Variants in FGF13 observed in about 807,000 individuals in gnomAD.
The protein encoded by FGF13 is fibroblast growth factor 13.
Under a neutral mutation model 19.5 loss-of-function variants are expected in FGF13, and 2 were observed. The observed-to-expected ratio is 0.10, with a 90% CI of 0.04 to 0.32. The LOEUF is 0.32. FGF13 is among the 10% of genes least tolerant of loss of function. The pLI, the probability that FGF13 is intolerant of heterozygous loss-of-function variation, is 1.00. For synonymous variants in FGF13, 72 were observed against 76.9 expected (o/e 0.94, Z 0.33); for missense variants, 113 against 192.7 (o/e 0.59, Z 2.45).
chrX:138,755,998 A>T (rs1382396806), intron 3 of FGF13, among the ~76,000 whole-genome samples: 1 of 111,882 alleles, frequency 8.9e-6, no homozygotes, highest in Non-Finnish European at 1.9e-5. Context: ...AGGACATACA[A>T]AGAGACACCA....
At chrX:139,139,024 G>A (rs1227481331) in intron 1 of FGF13, among the ~76,000 whole-genome samples, 2 of 107,433 alleles carry the variant, frequency 1.9e-5, no homozygotes, top group Non-Finnish European at 3.8e-5. Context: ...CCTTCTCCCG[G>A]ATCCAAGCTA....
At chrX:138,893,834 A>G (rs1392471767) in intron 1 of FGF13, among the ~76,000 whole-genome samples, 2 of 111,314 alleles carry the variant, frequency 1.8e-5, no homozygotes, top group Admixed American at 9.5e-5. Flanking sequence ...TCACAATTGT[A>G]ATGCTGACTC....
chrX:138,878,906 G>A (rs1421318279), intron 1 of FGF13, among the ~76,000 whole-genome samples: 1 of 111,720 alleles, frequency 9.0e-6, no homozygotes, highest in African/African-American at 3.3e-5. Context: ...GGCCAGTGAT[G>A]ATGAGCATTT....
intron 1 of FGF13, among the ~76,000 whole-genome samples, chrX:138,911,635 T>C (rs1224435220): frequency 9.0e-6 from 1 of 111,204 alleles, no homozygotes; most frequent in Non-Finnish European, 1.9e-5. Context: ...AAAAAAACAG[T>C]CTATCTCAAA....
intron 2 of FGF13, among the ~76,000 whole-genome samples, chrX:138,859,362 A>G (rs1050251722): frequency 1.8e-5 from 2 of 112,401 alleles, no homozygotes; most frequent in African/African-American, 3.2e-5. Flanking sequence ...AGAAGCACCC[A>G]TGATTATATG....
chrX:138,659,517 A>G (rs1444670228), intron 3 of FGF13, among the ~76,000 whole-genome samples: 3 of 111,779 alleles, frequency 2.7e-5, no homozygotes, highest in Non-Finnish European at 5.6e-5. Context: ...TCGAGGATCT[A>G]GAACCAGAAA....
Position 138,625,969 on chromosome X carries a change from C to T in FGF13, c.*6881G>A, listed in dbSNP as rs190778653. On this transcript the variant is annotated 3_prime_UTR_variant, in exon 5 of 5. Transcript: ENST00000315930. ...GGCAAAATACAGATTGTTCAACAGA[C>T]GAAAAGGAGGAATTAGTAGGGCAAT... is the stretch of plus-strand genomic sequence containing the variant. The T allele has an allele frequency of 5.1e-4, 57 of 110,999 alleles. No individual in the cohort carries two copies. The highest frequency in any genetic ancestry group is 1.7e-3 in the African/African-American group (51 of 30,544). The allele number at this position is 110,999 out of a possible 1,213,427, so 9.1% of individuals were successfully genotyped here. A position where few individuals can be genotyped will look rare whatever the true frequency, so the allele number is the denominator to read the frequency against.
At chrX:138,654,744 A>AATAC (rs61363120) in intron 3 of FGF13, among the ~76,000 whole-genome samples, 25,291 of 104,935 alleles carry the variant, frequency 0.24, 2,683 homozygotes, top group East Asian at 0.55. Flanking sequence ...CCGGCTCAAA[A>AATAC]ATACATACAT....
intron 1 of FGF13, among the ~76,000 whole-genome samples, chrX:139,162,977 A>G (rs2084048352): frequency 8.9e-6 from 1 of 112,313 alleles, no homozygotes; most frequent in Admixed American, 9.4e-5. Flanking sequence ...TGTGGAAGAC[A>G]GTGTGGTGAT....
Position 138,828,443 on chromosome X carries a change from G to A in FGF13, c.217+29069C>T, listed in dbSNP as rs28585592. Among the ~76,000 whole-genome samples, 521 of 109,844 alleles carry A rather than the reference G, an allele frequency of 4.7e-3. 3 individuals are homozygous for A. Among genetic ancestry groups the A allele is most frequent in the African/African-American group, 0.015 (468 of 30,198 alleles). On this transcript the variant is annotated intron_variant, in intron 3 of 6. Transcript: ENST00000436198. ...AAATTAGCCGGGCGTGGTGGCGGGC[G>A]CCTGTAGTCCCAGCTACTCGAGAGG...
rs942285109 is a variant in FGF13, at chrX:138,624,131, C to A, written c.*8719G>T. 1.8e-5 allele frequency: 2 copies of A among 111,026 alleles called. No homozygotes were observed. The highest frequency in any genetic ancestry group is 6.5e-5 in the African/African-American group (2 of 30,691). The allele number at this position is 111,026 out of a possible 1,213,427, so 9.1% of individuals were successfully genotyped here. On this transcript the variant is annotated 3_prime_UTR_variant, in exon 5 of 5. Transcript: ENST00000315930. ...CACCTAAGTCCCCAAAGATCTAAAA[C>A]AATCTTGAGAAAGAAGTTTAGAACA...
At chrX:139,076,956 C>A (rs2083336729) in intron 1 of FGF13, among the ~76,000 whole-genome samples, 1 of 112,154 alleles carries the variant, frequency 8.9e-6, no homozygotes, top group Admixed American at 9.4e-5. Context: ...GCACCTAGTA[C>A]AGGTGTGTTT....
chrX:139,136,181 G>A (rs952282630), intron 1 of FGF13, among the ~76,000 whole-genome samples: 2 of 111,310 alleles, frequency 1.8e-5, no homozygotes, highest in Non-Finnish European at 3.8e-5. Flanking sequence ...TCTATCTGAA[G>A]TATGAGTGTT....
intron 1 of FGF13, among the ~76,000 whole-genome samples, chrX:138,954,124 A>AGAGAG (rs1352017544): frequency 1.5e-5 from 1 of 65,217 alleles, no homozygotes; most frequent in Non-Finnish European, 3.2e-5. Flanking sequence ...GAGAGAGAGG[A>AGAGAG]GAGAGCATAC....
At chrX:139,073,523 A>T (rs2092383501) in intron 1 of FGF13, among the ~76,000 whole-genome samples, 1 of 111,416 alleles carries the variant, frequency 9.0e-6, no homozygotes, top group Non-Finnish European at 1.9e-5. Context: ...TAAGGTAATT[A>T]TATCTCTCTT....
At chrX:138,718,286 T>G (rs1384403682) in intron 1 of FGF13, among the ~76,000 whole-genome samples, 1 of 112,107 alleles carries the variant, frequency 8.9e-6, no homozygotes, top group African/African-American at 3.2e-5. Context: ...TCTGTAACAC[T>G]GGGTTCATTT....
intron 1 of FGF13, among the ~76,000 whole-genome samples, chrX:139,189,482 C>T (rs1221872332): frequency 9.0e-6 from 1 of 111,662 alleles, no homozygotes; most frequent in East Asian, 2.8e-4. Flanking sequence ...TTCCCACACA[C>T]ACTACAACAT....
chrX:138,823,990 T>G (rs1048873066), intron 3 of FGF13, among the ~76,000 whole-genome samples: 5 of 112,011 alleles, frequency 4.5e-5, no homozygotes, highest in African/African-American at 1.6e-4. Flanking sequence ...CTCCTTTATC[T>G]GAGCATATTT....
At chrX:138,639,854 A>G (rs1269220777) in intron 3 of FGF13, among the ~76,000 whole-genome samples, 1 of 110,082 alleles carries the variant, frequency 9.1e-6, no homozygotes, top group African/African-American at 3.3e-5. Context: ...TTAGCCGGGC[A>G]TGGTGGTGGG....
Sources: allele counts gnomAD v4.1 joint callset (sites outside exome capture counted in the v4.1 genomes callset), GRCh38; gene constraint gnomAD v4.1.1; transcripts MANE v1.5; gene names NCBI Gene and HGNC (gene_info 2026-07-23, HGNC 2026-07-21).